TONSL: variants seen among roughly 807,000 people sequenced by gnomAD.
TONSL encodes tonsoku like, DNA repair protein.
In TONSL, 112 loss-of-function variants were observed where a neutral mutation model predicts 147.1. The observed-to-expected ratio is 0.76, with a 90% CI of 0.65 to 0.89. TONSL has a LOEUF of 0.89. TONSL is among the 40% of genes least tolerant of loss of function. The pLI is 0.00. For missense variants in TONSL, 1,883 were observed against 1,864.6 expected (o/e 1.01, Z -0.18); for synonymous variants, 868 against 801.5 (o/e 1.08, Z -1.40).
Position 144,429,299 on chromosome 8 carries a change from C to A in TONSL, c.3981G>T (p.Trp1327Cys). 6.7e-7 allele frequency: 1 copy of A among 1,502,772 alleles called. No homozygotes were observed. The highest frequency in any genetic ancestry group is 1.2e-5 in the South Asian group (1 of 80,952). The allele number at this position is 1,502,772 out of a possible 1,614,324, so 93.1% of individuals were successfully genotyped here. A position where few individuals can be genotyped will look rare whatever the true frequency, so the allele number is the denominator to read the frequency against. The change falls in exon 26 of 26, where the codon TGG becomes TGT. Residue 1327 changes from tryptophan (W) to cysteine (C), a missense_variant. By Grantham distance (215) the Trp-to-Cys change is radical. Transcript: ENST00000409379. The part of the protein sequence containing the change: ...AVQGPLGLGL[W>C]DKIAAQLREL... ...CCCGGAGCTGCGCGGCTATCTTGTC[C>A]CACAGGCCCAGGCCCAGGGGACCCT...
intron 4 of TONSL, 62 bp downstream of exon 4, chr8:144,443,076 C>T: frequency 1.3e-6 from 2 of 1,513,764 alleles, no homozygotes; most frequent in Non-Finnish European, 1.8e-6. Context: ...TGCGGGGGTG[C>T]TGGGCTGCAG....
rs759434896 is a variant in TONSL, at chr8:144,435,991, G to A, written c.2442C>T (p.His814=). ...CTGCCTGGGGGGCAAGGGCTTTGCT[G>A]TGGCCCCGCGGTGGGCCAGGCCCCA... The part of the protein sequence containing the change: ...SRLGPGPPRG[H]SKALAPQAAL... The change falls in exon 17 of 26, where the codon CAC becomes CAT. Residue 814 remains histidine (H), a synonymous_variant. Coordinates refer to ENST00000409379, the MANE Select transcript of TONSL (RefSeq NM_013432.5). 66 of 1,551,220 alleles carry A rather than the reference G, an allele frequency of 4.3e-5. No individual in the cohort carries two copies. The highest frequency in any genetic ancestry group is 5.6e-5 in the Non-Finnish European group (64 of 1,151,006).
rs557769052 is a variant in TONSL at position 144,444,309 on chromosome 8, G to T, written c.26-34C>A. 2.2e-3 allele frequency: 3,010 copies of T among 1,350,096 alleles called. 25 individuals are homozygous for T. Among genetic ancestry groups the T allele is most frequent in the South Asian group, 0.018 (1,045 of 57,048 alleles). The allele number at this position is 1,350,096 out of a possible 1,614,324, so 83.6% of individuals were successfully genotyped here. Reference sequence around the variant, plus strand: ...GGAAGAGGAGGGCTGGGCCTCCGCGGCGGGGTCCGGGGCCGGGGCCGAGTC... The same window carrying T: ...GGAAGAGGAGGGCTGGGCCTCCGCGTCGGGGTCCGGGGCCGGGGCCGAGTC... On this transcript the variant is annotated intron_variant, in intron 1 of 25. Transcript: ENST00000409379.
In TONSL at chr8:144,433,659, C is replaced by A. The variant is rs782299928; in HGVS notation, c.3488G>T (p.Arg1163Leu). 29 of 1,613,232 alleles carry A rather than the reference C, an allele frequency of 1.8e-5. No individual in the cohort carries two copies. Among genetic ancestry groups the A allele is most frequent in the Non-Finnish European group, 2.4e-5 (28 of 1,179,964 alleles). The change falls in exon 22 of 26, where the codon CGC (arginine) becomes CTC (leucine). Residue 1163 changes from arginine to leucine, a missense_variant. By Grantham distance (102) the Arg-to-Leu change is moderately radical. Transcript: ENST00000409379. The stretch of plus-strand genomic sequence containing the variant: ...GGGGCCGAAGCCACACGCCTGCAGG[C>A]GCAGGGTGCTGAGTAAGGGGCAGGC... ...LHACPLLSTL[R>L]LQACGFGPSF...
At chr8:144,438,848 G>A in intron 11 of TONSL, 113 bp from the exon 12 acceptor site, 3 of 1,141,328 alleles carry the variant, frequency 2.6e-6, no homozygotes, top group East Asian at 2.6e-5. Flanking sequence ...AGAGACGGGA[G>A]GGCTGAGCTC....
chr8:144,441,953 T>C, intron 7 of TONSL, 84 bp downstream of exon 7: 1 of 1,220,570 alleles, frequency 8.2e-7, no homozygotes, highest in Non-Finnish European at 1.2e-6. Flanking sequence ...GAGAGCCCTG[T>C]ACACACCTGG....
At position 144,438,475 on chromosome 8, in the gene TONSL, C is replaced by T. The variant is rs1823562712; in HGVS notation, c.1649G>A (p.Arg550Lys). Reference sequence around the variant, plus strand: ...ACGTCCCAGAGCGGGGCCCACCTGCCTCACAAGGTCCTGGACGCGGCGCAG... The same window carrying T: ...ACGTCCCAGAGCGGGGCCCACCTGCTTCACAAGGTCCTGGACGCGGCGCAG... ...GQLRRVQDLV[R>K]QGHPLNPRDY... Residue 550 changes from arginine to lysine, a missense_variant, in exon 13 of 26, where the codon AGG becomes AAG. Arg to Lys is a conservative substitution (Grantham distance 26). Coordinates refer to ENST00000409379, the MANE Select transcript of TONSL (RefSeq NM_013432.5). 1 of 1,612,598 alleles carries T rather than the reference C, an allele frequency of 6.2e-7. No individual in the cohort carries two copies. The highest frequency in any genetic ancestry group is 2.2e-5 in the East Asian group (1 of 44,882).
chr8:144,431,658 G>A (rs1193475125), intron 23 of TONSL, among the ~76,000 whole-genome samples: 1 of 151,440 alleles, frequency 6.6e-6, no homozygotes, highest in Non-Finnish European at 1.5e-5. Context: ...GACTCCAGGA[G>A]CCCGTCACCA....
Position 144,430,977 on chromosome 8 carries a change from G to A in TONSL, c.3809+101C>T, listed in dbSNP as rs1304757936. On this transcript the variant is annotated intron_variant, in intron 24 of 25. Transcript: ENST00000409379. ...AGGAGCCAGGTCTTGGGATGTGCTGGGGAGGAGGAGCTGGTACCATTTCTG... is the reference window on the plus strand; with the variant it reads ...AGGAGCCAGGTCTTGGGATGTGCTGAGGAGGAGGAGCTGGTACCATTTCTG... 2.9e-6 allele frequency: 4 copies of A among 1,361,592 alleles called. No individual in the cohort carries two copies. In the African/African-American group the frequency reaches 5.7e-5, roughly 19 times the overall value. 84.3% of individuals were successfully genotyped at this position (1,361,592 alleles called of 1,614,324 possible). A position where few individuals can be genotyped will look rare whatever the true frequency, so the allele number is the denominator to read the frequency against.
chr8:144,444,314 G>T lies in TONSL; in HGVS notation c.26-39C>A, dbSNP rs774101414. ...AGGAGGGCTGGGCCTCCGCGGCGGG[G>T]TCCGGGGCCGGGGCCGAGTCCCAAG... is the stretch of plus-strand genomic sequence containing the variant. On this transcript the variant is annotated intron_variant, in intron 1 of 25. Coordinates refer to ENST00000409379, the MANE Select transcript of TONSL (RefSeq NM_013432.5). 6.7e-6 allele frequency: 9 copies of T among 1,342,180 alleles called. 1 individual carries two copies. The South Asian group carries it at 1.6e-4, about 24-fold the overall frequency. The allele number at this position is 1,342,180 out of a possible 1,614,324, so 83.1% of individuals were successfully genotyped here.
At position 144,431,122 on chromosome 8, in the gene TONSL, C is replaced by T; in HGVS notation, c.3765G>A (p.Leu1255=). 1.2e-6 allele frequency: 2 copies of T among 1,614,164 alleles called. No homozygotes were observed. Among genetic ancestry groups the T allele is most frequent in the Non-Finnish European group, 1.7e-6 (2 of 1,180,008 alleles). ...CCTTGTCCCCCAGGTGGTTTGCAGA[C>T]AGGGTCAGGTGGGCTAGAGCACAGC... ...KEGCALAHLT[L]SANHLGDKAV... Residue 1255 remains leucine (L), a synonymous_variant, in exon 24 of 26, where the codon CTG becomes CTA. Coordinates refer to ENST00000409379, the MANE Select transcript of TONSL (RefSeq NM_013432.5).
chr8:144,443,401 T>G, intron 3 of TONSL, 80 bp from the exon 4 acceptor site: 1 of 1,393,050 alleles, frequency 7.2e-7, no homozygotes. Context: ...AGAGACCCTG[T>G]TCTTGCTAAG....
intron 20 of TONSL, 125 bp downstream of exon 20, chr8:144,434,686 C>T (rs1380315609): frequency 5.7e-6 from 6 of 1,044,830 alleles, no homozygotes; most frequent in Non-Finnish European, 8.3e-6. Flanking sequence ...ACACAGCACC[C>T]ACCAGGCTGG....
chr8:144,437,090 G>C lies in TONSL; in HGVS notation c.1663C>G (p.Leu555Val). 1.2e-6 allele frequency: 2 copies of C among 1,613,012 alleles called. No homozygotes were observed. The highest frequency in any genetic ancestry group is 1.7e-6 in the Non-Finnish European group (2 of 1,179,950). Residue 555 changes from leucine (L) to valine (V), a missense_variant, in exon 14 of 26, where the codon CTT becomes GTT. Coordinates refer to ENST00000409379, the MANE Select transcript of TONSL (RefSeq NM_013432.5). ...CAGCCACAGTAGTCCCGAGGGTTAA[G>C]GGGGTGGCCCTGTGACCAAGGACAG... ...VQDLVRQGHP[L>V]NPRDYCGWTP...
chr8:144,438,765 A>G (rs2129665852), intron 11 of TONSL, 30 bp from the exon 12 acceptor site: 1 of 1,606,036 alleles, frequency 6.2e-7, no homozygotes, highest in Admixed American at 1.7e-5. Flanking sequence ...ACCCCAGGGG[A>G]GTCCGTGGGA....
chr8:144,431,917 C>T (rs1409558226), intron 23 of TONSL, among the ~76,000 whole-genome samples: 3 of 151,352 alleles, frequency 2.0e-5, no homozygotes, highest in Non-Finnish European at 2.9e-5. Flanking sequence ...CAACCTCTGC[C>T]TCCCGGGTTC....
Position 144,436,616 on chromosome 8 carries a change from C to CTCCAGG in TONSL, c.1950_1955dup (p.Asp650_Leu651dup), listed in dbSNP as rs1294040018. 2 of 1,611,994 alleles carry CTCCAGG rather than the reference C, an allele frequency of 1.2e-6. No individual in the cohort carries two copies. Among genetic ancestry groups the CTCCAGG allele is most frequent in the African/African-American group, 2.7e-5 (2 of 74,944 alleles). On this transcript the variant is annotated inframe_insertion, in exon 16 of 26. Coordinates refer to ENST00000409379, the MANE Select transcript of TONSL (RefSeq NM_013432.5). The stretch of plus-strand genomic sequence containing the variant: ...CCATGGCCCTGGCCTTCTGCCGCGT[C>CTCCAGG]TCCAGGTCCAGGTCCCTGCGGTACA...
intron 3 of TONSL, among the ~76,000 whole-genome samples, 179 bp from the exon 4 acceptor site, chr8:144,443,500 C>T (rs1466428031): frequency 6.6e-6 from 1 of 152,256 alleles, no homozygotes; most frequent in Non-Finnish European, 1.5e-5. Context: ...TCTGTGGTGA[C>T]AGTGGCTTCA....
rs764372070 is a variant in TONSL at position 144,438,786 on chromosome 8, A to G, written c.1481-51T>C. ...GGGGAGTCCGTGGGAGGTGAAGGTT[A>G]GCAGCCCCCACCCTGCTGCAAGCTC... On this transcript the variant is annotated intron_variant, in intron 11 of 25. Transcript: ENST00000409379. 1.0e-5 allele frequency: 16 copies of G among 1,571,536 alleles called. No homozygotes were observed. The East Asian group carries it at 3.4e-4, about 34-fold the overall frequency.
Sources: allele counts gnomAD v4.1 joint callset (sites outside exome capture counted in the v4.1 genomes callset), GRCh38; gene constraint gnomAD v4.1.1; transcripts MANE v1.5; gene names NCBI Gene and HGNC (gene_info 2026-07-23, HGNC 2026-07-21).